CCDC85A: variants seen among roughly 807,000 people sequenced by gnomAD.
CCDC85A encodes coiled-coil domain-containing protein 85A.
Under a neutral mutation model 50.2 loss-of-function variants are expected in CCDC85A, and 38 were observed. The observed-to-expected ratio is 0.76, with a 90% CI of 0.58 to 0.99. The LOEUF is 0.99. Among genes scored for constraint, CCDC85A ranks in the 50% least tolerant of loss-of-function variants. The pLI is 0.00. For synonymous variants in CCDC85A, 366 were observed against 301.4 expected, an observed-to-expected ratio of 1.21 and a Z score of -2.22; for missense variants, 820 against 742.0, an observed-to-expected ratio of 1.11 and a Z score of -1.22.
At chr2:56,281,014 A>G (rs1464020847) in intron 2 of CCDC85A, among the ~76,000 whole-genome samples, 2 of 152,180 alleles carry the variant, frequency 1.3e-5, no homozygotes, top group African/African-American at 4.8e-5. Context: ...TTTGGCCAAG[A>G]GTATGTCCAC....
At chr2:56,236,998 C>T (rs936972974) in intron 2 of CCDC85A, among the ~76,000 whole-genome samples, 3 of 152,026 alleles carry the variant, frequency 2.0e-5, no homozygotes, top group African/African-American at 4.8e-5. Flanking sequence ...TTCTTTTTTA[C>T]GAGGCTCATC....
intron 3 of CCDC85A, among the ~76,000 whole-genome samples, chr2:56,363,230 G>A (rs975421374): frequency 6.6e-6 from 1 of 152,036 alleles, no homozygotes; most frequent in African/African-American, 2.4e-5. Flanking sequence ...TTCCTTTTGT[G>A]CTTTGATGAT....
chr2:56,297,647 A>G (rs1036433945), intron 2 of CCDC85A, among the ~76,000 whole-genome samples: 3 of 152,146 alleles, frequency 2.0e-5, no homozygotes, highest in Non-Finnish European at 4.4e-5. Context: ...TTGCAGGGGA[A>G]AGCCTTTTCC....
intron 3 of CCDC85A, among the ~76,000 whole-genome samples, chr2:56,354,536 A>AT (rs1675125098): frequency 6.6e-6 from 1 of 152,108 alleles, no homozygotes; most frequent in Admixed American, 6.5e-5. Context: ...CTTTCTTTAG[A>AT]TTTTCTGGTT....
In CCDC85A at chr2:56,334,889, A is replaced by G. The variant is rs76281512; in HGVS notation, c.1241-7990A>G. On this transcript the variant is annotated intron_variant, in intron 2 of 5. Coordinates refer to ENST00000407595, the MANE Select transcript of CCDC85A (RefSeq NM_001080433.2). Reference sequence around the variant, plus strand: ...AGGATTTCTGCATGGGAGGAGGGGAAGAGGAACTAACTGTCATCTCTTTTG... The same window carrying G: ...AGGATTTCTGCATGGGAGGAGGGGAGGAGGAACTAACTGTCATCTCTTTTG... Among the ~76,000 whole-genome samples the G allele has an allele frequency of 2.8e-3, 425 of 152,290 alleles. 1 individual carries two copies. Among genetic ancestry groups the G allele is most frequent in the African/African-American group, 9.6e-3 (400 of 41,570 alleles).
intron 5 of CCDC85A, among the ~76,000 whole-genome samples, chr2:56,382,096 A>T (rs867197141): frequency 8.6e-5 from 13 of 152,018 alleles, no homozygotes; most frequent in Non-Finnish European, 1.3e-4. Context: ...GAAACAATTT[A>T]AAAATGTTAT....
At chr2:56,274,500 C>G (rs900740153) in intron 2 of CCDC85A, among the ~76,000 whole-genome samples, 3 of 152,162 alleles carry the variant, frequency 2.0e-5, no homozygotes, top group African/African-American at 4.8e-5. Flanking sequence ...AGAATTGCTT[C>G]CTTTTCAGGA....
At chr2:56,302,155 C>G (rs1672239579) in intron 2 of CCDC85A, among the ~76,000 whole-genome samples, 1 of 151,994 alleles carries the variant, frequency 6.6e-6, no homozygotes. Context: ...AATCGGGAGG[C>G]TGAGGCAGGA....
At chr2:56,352,052 G>C (rs1319126994) in intron 3 of CCDC85A, among the ~76,000 whole-genome samples, 1 of 152,146 alleles carries the variant, frequency 6.6e-6, no homozygotes, top group East Asian at 1.9e-4. Context: ...AAGGGATCCA[G>C]TTCCTACAAG....
intron 2 of CCDC85A, among the ~76,000 whole-genome samples, chr2:56,246,423 C>A (rs1273435988): frequency 1.3e-5 from 2 of 151,260 alleles, no homozygotes; most frequent in East Asian, 3.9e-4. Flanking sequence ...GGTGTCATAT[C>A]TAAAAAAAAA....
chr2:56,372,392 G>C lies in CCDC85A; in HGVS notation c.1366G>C (p.Glu456Gln). Residue 456 changes from glutamate to glutamine, a missense_variant, in exon 4 of 6, where the codon GAG becomes CAG. Transcript: ENST00000407595. Reference sequence around the variant, plus strand: ...TCCAACTAGAAACAGCTCAAATATGGAGAAAGGCTGGGGGTCCAGAGCCCG... The same window carrying C: ...TCCAACTAGAAACAGCTCAAATATGCAGAAAGGCTGGGGGTCCAGAGCCCG... ...QPPTRNSSNM[E>Q]KGWGSRARRV... 1 of 1,600,096 alleles carries C rather than the reference G, an allele frequency of 6.2e-7. No homozygotes were observed. Among genetic ancestry groups the C allele is most frequent in the Non-Finnish European group, 8.5e-7 (1 of 1,172,972 alleles).
At chr2:56,271,402 A>G (rs80095499) in intron 2 of CCDC85A, among the ~76,000 whole-genome samples, 16,806 of 152,168 alleles carry the variant, frequency 0.11, 993 homozygotes, top group South Asian at 0.12. Flanking sequence ...CTCAGAGTCC[A>G]GGAAGCAGGA....
intron 5 of CCDC85A, among the ~76,000 whole-genome samples, chr2:56,381,120 T>C (rs1276945509): frequency 1.3e-5 from 2 of 152,050 alleles, no homozygotes; most frequent in East Asian, 3.9e-4. Flanking sequence ...TTGTGGCTGA[T>C]TTTTCTCTTC....
chr2:56,273,052 A>G (rs561236958), intron 2 of CCDC85A, among the ~76,000 whole-genome samples: 2 of 152,210 alleles, frequency 1.3e-5, no homozygotes, highest in Non-Finnish European at 2.9e-5. Context: ...ATGTTACAAT[A>G]AAAGAGTTAT....
intron 3 of CCDC85A, among the ~76,000 whole-genome samples, chr2:56,353,361 C>A (rs1163011792): frequency 6.6e-6 from 1 of 152,126 alleles, no homozygotes; most frequent in African/African-American, 2.4e-5. Context: ...CTAGTTTTCC[C>A]TAACAATATA....
At chr2:56,228,573 C>T (rs950316703) in intron 2 of CCDC85A, among the ~76,000 whole-genome samples, 3 of 151,690 alleles carry the variant, frequency 2.0e-5, no homozygotes, top group Non-Finnish European at 4.4e-5. Flanking sequence ...CGCTCTGTCC[C>T]CCAGGCTGGA....
At chr2:56,344,996 G>A (rs1319377991) in intron 3 of CCDC85A, among the ~76,000 whole-genome samples, 1 of 152,044 alleles carries the variant, frequency 6.6e-6, no homozygotes, top group East Asian at 1.9e-4. Context: ...ACCTGTGAAA[G>A]TGAGTGTTAG....
intron 2 of CCDC85A, among the ~76,000 whole-genome samples, chr2:56,288,998 A>G (rs1671580390): frequency 6.6e-6 from 1 of 152,160 alleles, no homozygotes; most frequent in Non-Finnish European, 1.5e-5. Context: ...AGTTTCAATA[A>G]TGTAAGCAGA....
At chr2:56,330,547 T>G (rs1673734256) in intron 2 of CCDC85A, among the ~76,000 whole-genome samples, 1 of 152,086 alleles carries the variant, frequency 6.6e-6, no homozygotes, top group South Asian at 2.1e-4. Flanking sequence ...ATTCAGCATG[T>G]AGTAGCACAT....
Sources: allele counts gnomAD v4.1 joint callset (sites outside exome capture counted in the v4.1 genomes callset), GRCh38; gene constraint gnomAD v4.1.1; transcripts MANE v1.5; gene names NCBI Gene and HGNC (gene_info 2026-07-23, HGNC 2026-07-21).